PSD3: variants seen among roughly 807,000 people sequenced by gnomAD.
PSD3 encodes PH and SEC7 domain-containing protein 3.
In PSD3, 49 loss-of-function variants were observed where a neutral mutation model predicts 105.5. The observed-to-expected ratio is 0.46, with a 90% CI of 0.37 to 0.59. PSD3 has a LOEUF of 0.59. PSD3 is among the 20% of genes least tolerant of loss of function. The pLI is 0.00. For synonymous variants in PSD3, 557 were observed against 457.8 expected, an observed-to-expected ratio of 1.22 and a Z score of -2.77; for missense variants, 1,561 against 1,263.8, an observed-to-expected ratio of 1.24 and a Z score of -3.57.
intron 8 of PSD3, among the ~76,000 whole-genome samples, chr8:18,786,102 G>A (rs150169348): frequency 2.6e-5 from 4 of 152,312 alleles, no homozygotes; most frequent in East Asian, 1.9e-4. Context: ...TGCTCGGGAG[G>A]CTGAGGCAGG....
chr8:18,833,331 T>C (rs1430404763), intron 4 of PSD3, among the ~76,000 whole-genome samples: 1 of 152,198 alleles, frequency 6.6e-6, no homozygotes, highest in Non-Finnish European at 1.5e-5. Context: ...AGCAGCTGCT[T>C]CATTATGAAG....
intron 1 of PSD3, among the ~76,000 whole-genome samples, chr8:18,987,172 G>A (rs1825543670): frequency 6.6e-6 from 1 of 151,570 alleles, no homozygotes; most frequent in East Asian, 1.9e-4. Flanking sequence ...CAACACTCAC[G>A]GTATTATTTA....
chr8:18,684,126 T>C (rs1446384275), intron 9 of PSD3: 1 of 510,186 alleles, frequency 2.0e-6, no homozygotes, highest in Admixed American at 3.3e-5. Context: ...GCGAGTCTGA[T>C]TGTTCCAGGC....
chr8:19,042,680 T>C (rs1442619294), intron 1 of PSD3, among the ~76,000 whole-genome samples: 3 of 152,210 alleles, frequency 2.0e-5, no homozygotes, highest in Non-Finnish European at 2.9e-5. Flanking sequence ...TCAAAATAAC[T>C]GAATTCATGA....
intron 4 of PSD3, among the ~76,000 whole-genome samples, chr8:18,866,889 T>C (rs1333297309): frequency 1.4e-5 from 2 of 143,364 alleles, no homozygotes; most frequent in African/African-American, 5.8e-5. Flanking sequence ...CAAACATACA[T>C]ACATACACAC....
At chr8:18,536,058 G>A in intron 15 of PSD3, 100 bp from the exon 16 acceptor site, 3 of 1,160,866 alleles carry the variant, frequency 2.6e-6, no homozygotes, top group South Asian at 1.4e-5. Flanking sequence ...GTGAATGGCT[G>A]TTGAAGACTT....
chr8:18,881,616 C>T (rs1436284573), intron 2 of PSD3, among the ~76,000 whole-genome samples: 1 of 152,114 alleles, frequency 6.6e-6, no homozygotes, highest in Non-Finnish European at 1.5e-5. Flanking sequence ...ATACGTTTCC[C>T]CAGACTATAT....
intron 2 of PSD3, among the ~76,000 whole-genome samples, chr8:18,902,186 A>G (rs1191086690): frequency 6.6e-6 from 1 of 152,144 alleles, no homozygotes; most frequent in Non-Finnish European, 1.5e-5. Flanking sequence ...ATCCCATAAC[A>G]CAAATATTTA....
intron 1 of PSD3, among the ~76,000 whole-genome samples, chr8:18,968,659 G>A (rs926666686): frequency 6.6e-6 from 1 of 151,954 alleles, no homozygotes; most frequent in Non-Finnish European, 1.5e-5. Flanking sequence ...GGCAGATCAC[G>A]AGGTCAGGAG....
intron 1 of PSD3, among the ~76,000 whole-genome samples, chr8:18,997,961 TA>T (rs1487696482): frequency 6.6e-6 from 1 of 152,048 alleles, no homozygotes; most frequent in African/African-American, 2.4e-5. Context: ...CTGTCTGTCT[TA>T]CCTTGTAAGA....
Position 18,629,690 on chromosome 8 carries a change from C to T in PSD3, c.2410+2923G>A, listed in dbSNP as rs373839250. Among the ~76,000 whole-genome samples, 11 of 151,984 alleles carry T rather than the reference C, an allele frequency of 7.2e-5. No individual in the cohort carries two copies. The East Asian group carries it at 1.2e-3, about 16-fold the overall frequency. On this transcript the variant is annotated intron_variant, in intron 11 of 15. Transcript: ENST00000327040. ...AAGACAGATAATCATCTGTCATAAC[C>T]GTCATAGGATGGGAGTAATACGAGA...
chr8:18,811,720 G>A (rs542104798), intron 4 of PSD3, among the ~76,000 whole-genome samples: 1 of 152,154 alleles, frequency 6.6e-6, no homozygotes, highest in Non-Finnish European at 1.5e-5. Context: ...CAGCATGTTA[G>A]ATGTGTGAGG....
intron 12 of PSD3, among the ~76,000 whole-genome samples, chr8:18,576,348 T>A (rs926561989): frequency 2.0e-5 from 3 of 152,148 alleles, no homozygotes; most frequent in African/African-American, 7.2e-5. Flanking sequence ...TACTTTGGGA[T>A]TGCAACAAGT....
At chr8:18,582,553 A>G (rs1327273790) in intron 12 of PSD3, among the ~76,000 whole-genome samples, 2 of 152,026 alleles carry the variant, frequency 1.3e-5, no homozygotes, top group East Asian at 3.9e-4. Context: ...CATGGCTTAA[A>G]TTACCAATTT....
chr8:19,062,745 A>G (rs2129477617), intron 1 of PSD3, among the ~76,000 whole-genome samples: 1 of 152,358 alleles, frequency 6.6e-6, no homozygotes, highest in East Asian at 1.9e-4. Context: ...GGGAAACGCT[A>G]CATTACATCA....
intron 2 of PSD3, among the ~76,000 whole-genome samples, chr8:18,924,041 G>C (rs1056751822): frequency 6.6e-6 from 1 of 152,052 alleles, no homozygotes. Context: ...ACACTTCTTA[G>C]TTATCTTAGT....
chr8:18,897,012 G>A (rs887278517), intron 2 of PSD3, among the ~76,000 whole-genome samples: 1 of 151,894 alleles, frequency 6.6e-6, no homozygotes, highest in African/African-American at 2.4e-5. Flanking sequence ...GTTTCTCCAT[G>A]TTGAGGCTGG....
At chr8:18,901,767 T>C (rs553659101) in intron 2 of PSD3, among the ~76,000 whole-genome samples, 1 of 152,332 alleles carries the variant, frequency 6.6e-6, no homozygotes, top group East Asian at 1.9e-4. Context: ...ACTTTATTTC[T>C]CCCTCATCTC....
At chr8:18,752,083 G>A (rs967108617) in intron 9 of PSD3, among the ~76,000 whole-genome samples, 1 of 151,538 alleles carries the variant, frequency 6.6e-6, no homozygotes, top group African/African-American at 2.4e-5. Context: ...AGCTACTCGG[G>A]AGGCTGTGTC....
Sources: allele counts gnomAD v4.1 joint callset (sites outside exome capture counted in the v4.1 genomes callset), GRCh38; gene constraint gnomAD v4.1.1; transcripts MANE v1.5; gene names NCBI Gene and HGNC (gene_info 2026-07-23, HGNC 2026-07-21).